Variants in ARSG observed in about 807,000 individuals in gnomAD.
The protein encoded by ARSG is ASG.
ARSG carries 37 observed loss-of-function variants against 50.5 expected under a neutral mutation model. The observed-to-expected ratio is 0.73, with a 90% CI of 0.56 to 0.96. ARSG has a LOEUF of 0.96. ARSG is among the 50% of genes least tolerant of loss of function. ARSG has a pLI of 0.00. For missense variants in ARSG, 629 were observed against 675.3 expected, an observed-to-expected ratio of 0.93 and a Z score of 0.76; for synonymous variants, 225 against 254.6, an observed-to-expected ratio of 0.88 and a Z score of 1.11.
intron 2 of ARSG, among the ~76,000 whole-genome samples, chr17:68,327,544 G>A (rs1472389549): frequency 4.6e-5 from 7 of 151,938 alleles, no homozygotes; most frequent in Non-Finnish European, 5.9e-5. Flanking sequence ...CTGTGTCTTC[G>A]CAGCATTCTC....
Position 68,307,093 on chromosome 17 carries a change from G to A in ARSG, c.-401G>A, listed in dbSNP as rs906884380. 6 of 185,900 alleles carry A rather than the reference G, an allele frequency of 3.2e-5. No individual in the cohort carries two copies. The highest frequency in any genetic ancestry group is 1.1e-4 in the South Asian group (1 of 8,922). The allele number at this position is 185,900 out of a possible 1,614,324, so 11.5% of individuals were successfully genotyped here. ...TCCCAAACAGCCAAGCAGATGTAAG[G>A]CCTGTGCTGTGGCTCTGAGGCCCTG... On this transcript the variant is annotated 5_prime_UTR_variant, in exon 2 of 12. Transcript: ENST00000621439.
downstream of ARSG, chr17:68,427,168 T>C: frequency 6.2e-7 from 1 of 1,614,124 alleles, no homozygotes; most frequent in Non-Finnish European, 8.5e-7. Flanking sequence ...GCACTTGGTC[T>C]GGCTACGGTC....
chr17:68,330,833 C>T (rs989497492), intron 2 of ARSG, among the ~76,000 whole-genome samples: 7 of 152,266 alleles, frequency 4.6e-5, no homozygotes, highest in Admixed American at 3.3e-4. Flanking sequence ...GGCACTGTGG[C>T]CTGGGCAGTT....
chr17:68,344,528 G>A (rs1271323447), intron 3 of ARSG, among the ~76,000 whole-genome samples: 1 of 152,228 alleles, frequency 6.6e-6, no homozygotes, highest in East Asian at 1.9e-4. Flanking sequence ...TTATTGGCAT[G>A]AAGATGATTA....
intron 8 of ARSG, among the ~76,000 whole-genome samples, chr17:68,376,277 A>ATTT (rs386386490): frequency 8.0e-6 from 1 of 125,030 alleles, no homozygotes; most frequent in African/African-American, 3.0e-5. Flanking sequence ...CGCCCCCTGC[A>ATTT]TTTTTTTTTT....
chr17:68,377,110 C>T (rs765905392), intron 8 of ARSG, among the ~76,000 whole-genome samples: 2 of 152,204 alleles, frequency 1.3e-5, no homozygotes, highest in African/African-American at 2.4e-5. Context: ...GATCTGCCCT[C>T]CTCAGCCTCC....
rs1277211241 is a variant in ARSG at position 68,368,620 on chromosome 17, A to C, written c.777A>C (p.Leu259=). 6.2e-7 allele frequency: 1 copy of C among 1,614,218 alleles called. No individual in the cohort carries two copies. Among genetic ancestry groups the C allele is most frequent in the Admixed American group, 1.7e-5 (1 of 60,022 alleles). ...ACGTGCCCTTACCTGTGACTCAGCT[A>C]CCAGCAGCGCCACGGGGCAGAAGCC... ...HMHVPLPVTQ[L]PAAPRGRSLY... is the part of the protein sequence containing the mutation. Residue 259 remains leucine (L), a synonymous_variant, in exon 7 of 12, where the codon CTA becomes CTC. Coordinates refer to ENST00000621439, the MANE Select transcript of ARSG (RefSeq NM_001267727.2).
chr17:68,350,764 G>A (rs2078723186), intron 4 of ARSG, among the ~76,000 whole-genome samples: 1 of 151,696 alleles, frequency 6.6e-6, no homozygotes, highest in Non-Finnish European at 1.5e-5. Flanking sequence ...CAGCCTGGGT[G>A]ACAGAGCGAG....
intron 11 of ARSG, 103 bp from the exon 12 acceptor site, chr17:68,420,086 T>C: frequency 3.8e-6 from 5 of 1,322,014 alleles, no homozygotes; most frequent in Non-Finnish European, 5.2e-6. Flanking sequence ...CATTTGGTTA[T>C]CTGGTATGTT....
intron 2 of ARSG, among the ~76,000 whole-genome samples, chr17:68,314,372 C>T (rs1435655834): frequency 6.6e-6 from 1 of 151,928 alleles, no homozygotes; most frequent in Admixed American, 6.6e-5. Context: ...ACTAAAAATA[C>T]AAAAGTAGCC....
In ARSG at chr17:68,420,401, G is replaced by A. The variant is rs777468985; in HGVS notation, c.1516G>A (p.Asp506Asn). 4.3e-6 allele frequency: 7 copies of A among 1,613,988 alleles called. No individual in the cohort carries two copies. The highest frequency in any genetic ancestry group is 5.9e-6 in the Non-Finnish European group (7 of 1,180,034). Residue 506 changes from aspartate to asparagine, a missense_variant, in exon 12 of 12, where the codon GAC (aspartate) becomes AAC (asparagine). Transcript: ENST00000621439. ...CATCTCCAGCGCAGATTACACTCAG[G>A]ACCCTTCAGTAACTCCCTGCTGTAA... ...DNISSADYTQ[D>N]PSVTPCCNPY... is the part of the protein sequence containing the mutation.
chr17:68,279,832 A>C (rs1024837253), intron 1 of ARSG, among the ~76,000 whole-genome samples: 3 of 152,220 alleles, frequency 2.0e-5, no homozygotes, highest in Admixed American at 6.5e-5. Context: ...TGATATCTAT[A>C]ATAATCAATG....
At chr17:68,316,850 C>T (rs1174596337) in intron 2 of ARSG, among the ~76,000 whole-genome samples, 5 of 152,104 alleles carry the variant, frequency 3.3e-5, no homozygotes, top group African/African-American at 1.2e-4. Flanking sequence ...GTTTTCTCAG[C>T]GTCTGTTCCA....
chr17:68,335,077 G>T lies in ARSG; in HGVS notation c.219-8527G>T, dbSNP rs556123273. On this transcript the variant is annotated intron_variant, in intron 2 of 11. Coordinates refer to ENST00000621439, the MANE Select transcript of ARSG (RefSeq NM_001267727.2). Reference sequence around the variant, plus strand: ...AGTGGTGCGATCATGATTCACTGCAGCCTCTAACTCCTGGGCTTAAGCCAT... The same window carrying T: ...AGTGGTGCGATCATGATTCACTGCATCCTCTAACTCCTGGGCTTAAGCCAT... 4.1e-4 allele frequency among the ~76,000 whole-genome samples: 62 copies of T among 152,180 alleles called. 3 individuals carry two copies. In the South Asian group the frequency reaches 0.012, roughly 30 times the overall value.
At chr17:68,385,464 A>C (rs1038997532) in intron 9 of ARSG, among the ~76,000 whole-genome samples, 1 of 149,976 alleles carries the variant, frequency 6.7e-6, no homozygotes, top group Admixed American at 6.7e-5. Context: ...GGAGTTTGAG[A>C]CTATCCTGGT....
downstream of ARSG, chr17:68,427,130 C>T (rs934977635): frequency 1.6e-5 from 26 of 1,612,378 alleles, no homozygotes; most frequent in Non-Finnish European, 2.2e-5. Flanking sequence ...CCCGTGTCCA[C>T]CCACCTGGCA....
Position 68,395,168 on chromosome 17 carries a change from T to G in ARSG, c.1187T>G (p.Phe396Cys). Reference protein sequence around the residue: ...FDGVDVSEVLFGRSQPGHRVL... With the variant: ...FDGVDVSEVLCGRSQPGHRVL... ...GGTGTGGACGTCTCCGAGGTGCTCT[T>G]TGGCCGGTCACAGCCTGGGCACAGG... The change falls in exon 10 of 12, where the codon TTT (phenylalanine) becomes TGT (cysteine). Residue 396 changes from phenylalanine to cysteine, a missense_variant. Coordinates refer to ENST00000621439, the MANE Select transcript of ARSG (RefSeq NM_001267727.2). The G allele has an allele frequency of 6.2e-7, 1 of 1,614,126 alleles. No individual in the cohort carries two copies.
chr17:68,351,171 A>T lies in ARSG; in HGVS notation c.455-404A>T, dbSNP rs944025314. ...AGGCAGAATTTATTCTTTCTAAAAA[A>T]TTTTTTATAATTTTTTTTTTCTCTG... is the stretch of plus-strand genomic sequence containing the variant. On this transcript the variant is annotated intron_variant, in intron 4 of 11. Coordinates refer to ENST00000621439, the MANE Select transcript of ARSG (RefSeq NM_001267727.2). Among the ~76,000 whole-genome samples, 34 of 151,382 alleles carry T rather than the reference A, an allele frequency of 2.2e-4. No homozygotes were observed. In the East Asian group the frequency reaches 4.3e-3, roughly 19 times the overall value.
intron 10 of ARSG, among the ~76,000 whole-genome samples, chr17:68,398,047 G>T (rs1184087864): frequency 1.3e-5 from 2 of 152,186 alleles, no homozygotes; most frequent in Non-Finnish European, 2.9e-5. Flanking sequence ...GATTACAGGC[G>T]TGAGCCACTG....
Sources: gnomAD v4.1 joint callset for allele counts (sites outside exome capture counted in the v4.1 genomes callset) on GRCh38, gnomAD v4.1.1 for gene constraint, MANE v1.5 for transcripts, NCBI Gene and HGNC (gene_info 2026-07-23, HGNC 2026-07-21) for gene names.